The following ZFHX3 variants were observed in gnomAD, a reference collection of about 807,000 sequenced individuals.
The protein encoded by ZFHX3 is zinc finger homeobox protein 3.
Under a neutral mutation model 279.1 loss-of-function variants are expected in ZFHX3, and 42 were observed. That is an observed-to-expected ratio of 0.15 (90% confidence interval 0.12 to 0.19). The LOEUF is 0.19. ZFHX3 is among the 10% of genes least tolerant of loss of function. The pLI, the probability that ZFHX3 is intolerant of heterozygous loss-of-function variation, is 1.00. For missense variants in ZFHX3, 4,981 were observed against 4,754.0 expected (o/e 1.05, Z -1.40); for synonymous variants, 2,293 against 1,957.8 (o/e 1.17, Z -4.52).
intron 3 of ZFHX3, among the ~76,000 whole-genome samples, chr16:73,351,061 C>A (rs1055715657): frequency 6.6e-6 from 1 of 152,204 alleles, no homozygotes; most frequent in South Asian, 2.1e-4. Context: ...TTGGCGTTAA[C>A]TGTCCAAGAA....
At chr16:73,220,264 A>T (rs576075414) in intron 5 of ZFHX3, among the ~76,000 whole-genome samples, 8 of 152,274 alleles carry the variant, frequency 5.3e-5, no homozygotes, top group African/African-American at 1.9e-4. Flanking sequence ...TACCTGGGTG[A>T]TGGGATCCAT....
intron 1 of ZFHX3, among the ~76,000 whole-genome samples, chr16:73,846,376 A>C (rs1171136907): frequency 6.6e-6 from 1 of 152,204 alleles, no homozygotes; most frequent in Non-Finnish European, 1.5e-5. Flanking sequence ...AGCCAATTAA[A>C]GATCTCATTT....
intron 5 of ZFHX3, among the ~76,000 whole-genome samples, chr16:73,144,814 A>T (rs1000466227): frequency 1.3e-5 from 2 of 152,200 alleles, no homozygotes; most frequent in East Asian, 3.9e-4. Flanking sequence ...CCTGCACTGA[A>T]GAGCATATCT....
At chr16:73,548,827 T>C (rs2020162735) in intron 2 of ZFHX3, among the ~76,000 whole-genome samples, 1 of 152,142 alleles carries the variant, frequency 6.6e-6, no homozygotes, top group African/African-American at 2.4e-5. Flanking sequence ...CATCAAATGA[T>C]AAAAAGCACA....
intron 1 of ZFHX3, among the ~76,000 whole-genome samples, chr16:73,691,277 C>T (rs927309791): frequency 1.3e-5 from 2 of 151,970 alleles, no homozygotes; most frequent in African/African-American, 2.4e-5. Context: ...CTCCAGAAGC[C>T]GCACACTCTT....
chr16:72,818,277 A>G (rs1409299204), intron 5 of ZFHX3, among the ~76,000 whole-genome samples: 1 of 152,222 alleles, frequency 6.6e-6, no homozygotes, highest in Non-Finnish European at 1.5e-5. Flanking sequence ...TAGACAGCAG[A>G]AATGCAATGT....
chr16:73,319,479 T>C (rs2015528233), intron 3 of ZFHX3, among the ~76,000 whole-genome samples: 2 of 152,058 alleles, frequency 1.3e-5, no homozygotes. Flanking sequence ...CCGAGCGTTG[T>C]TGAGGGCTAG....
At position 73,438,626 on chromosome 16, in the gene ZFHX3, G is replaced by A. The variant is rs193027647; in HGVS notation, c.-1291+17377C>T. ...TGCCTCTGGATTGTACAAAGTTCAA[G>A]AAAGAAGCAAAATTCTTGATATAGT... On this transcript the variant is annotated intron_variant, in intron 3 of 17. Coordinates refer to the ZFHX3 transcript ENST00000641206. 5.2e-3 allele frequency among the ~76,000 whole-genome samples: 794 copies of A among 152,296 alleles called. 6 individuals are homozygous for A. The highest frequency in any genetic ancestry group is 6.8e-3 in the Middle Eastern group (2 of 294).
intron 3 of ZFHX3, among the ~76,000 whole-genome samples, chr16:72,918,426 G>A (rs1378962652): frequency 1.3e-5 from 2 of 152,094 alleles, no homozygotes; most frequent in African/African-American, 2.4e-5. Context: ...AAAAAATAGT[G>A]ACATTCAAAA....
intron 5 of ZFHX3, among the ~76,000 whole-genome samples, chr16:73,243,185 T>C (rs76226333): frequency 7.9e-5 from 12 of 152,358 alleles, no homozygotes; most frequent in Non-Finnish European, 1.3e-4. Context: ...TAAGCAGGTA[T>C]CAACATTTTG....
At chr16:73,023,879 G>A (rs1235639655) in intron 1 of ZFHX3, among the ~76,000 whole-genome samples, 2 of 152,246 alleles carry the variant, frequency 1.3e-5, no homozygotes, top group East Asian at 3.9e-4. Flanking sequence ...GGAGCTCCGA[G>A]GGACACTTCC....
At chr16:73,597,951 G>A (rs561748418) in intron 2 of ZFHX3, among the ~76,000 whole-genome samples, 9 of 152,294 alleles carry the variant, frequency 5.9e-5, no homozygotes, top group South Asian at 4.1e-4. Flanking sequence ...CTGGCATTGC[G>A]TGACTCTAGA....
At chr16:72,831,440 C>A (rs569044836) in intron 4 of ZFHX3, among the ~76,000 whole-genome samples, 9 of 152,236 alleles carry the variant, frequency 5.9e-5, no homozygotes, top group African/African-American at 2.2e-4. Context: ...CTTTGTCTCA[C>A]TGCACAATAA....
intron 2 of ZFHX3, among the ~76,000 whole-genome samples, chr16:73,579,803 T>C (rs535314443): frequency 1.3e-5 from 2 of 148,270 alleles, no homozygotes; most frequent in Non-Finnish European, 3.0e-5. Flanking sequence ...CTCCTTTTTA[T>C]GTAAAAAAAT....
intron 1 of ZFHX3, among the ~76,000 whole-genome samples, chr16:73,012,638 G>A (rs1371347058): frequency 4.6e-5 from 7 of 152,096 alleles, no homozygotes; most frequent in Non-Finnish European, 7.4e-5. Context: ...CTAGGCAGCT[G>A]GAGATGAAGA....
chr16:73,411,278 G>C (rs769015902), intron 3 of ZFHX3, among the ~76,000 whole-genome samples: 5 of 152,212 alleles, frequency 3.3e-5, no homozygotes, highest in South Asian at 2.1e-4. Flanking sequence ...GATTTAAAGA[G>C]ATTAGCAATT....
chr16:73,010,040 A>AAAAAAAAAAAAAC (rs1416241740), intron 1 of ZFHX3, among the ~76,000 whole-genome samples: 1 of 150,932 alleles, frequency 6.6e-6, no homozygotes, highest in African/African-American at 2.5e-5. Context: ...AAAAAAAAAA[A>AAAAAAAAAAAAAC]AAACTCATAA....
At chr16:73,169,348 A>C (rs1045537725) in intron 5 of ZFHX3, among the ~76,000 whole-genome samples, 1 of 152,136 alleles carries the variant, frequency 6.6e-6, no homozygotes, top group Non-Finnish European at 1.5e-5. Context: ...GGTATTATGA[A>C]TCTCTTGTAT....
chr16:73,137,868 T>A (rs188654574), intron 6 of ZFHX3, among the ~76,000 whole-genome samples: 15 of 152,120 alleles, frequency 9.9e-5, no homozygotes, highest in Admixed American at 5.2e-4. Flanking sequence ...CTACTCAAAA[T>A]TTTTTTTGTA....
Sources: allele counts gnomAD v4.1 joint callset (sites outside exome capture counted in the v4.1 genomes callset), GRCh38; gene constraint gnomAD v4.1.1; transcripts MANE v1.5; gene names NCBI Gene and HGNC (gene_info 2026-07-23, HGNC 2026-07-21).